Variants in SYNDIG1 observed in about 807,000 individuals in gnomAD.
SYNDIG1 encodes the protein synapse differentiation inducing 1.
A neutral mutation model predicts 19.4 loss-of-function variants in SYNDIG1; 9 were observed. The observed-to-expected ratio is 0.46, with a 90% CI of 0.28 to 0.81. The LOEUF (loss-of-function observed/expected upper bound fraction) is 0.81, where lower values mean the gene tolerates loss of function less well. Among genes scored for constraint, SYNDIG1 ranks in the 30% least tolerant of loss-of-function variants. SYNDIG1 has a pLI of 0.12. For missense variants in SYNDIG1, 311 were observed against 343.3 expected (o/e 0.91, Z 0.74); for synonymous variants, 141 against 145.9 (o/e 0.97, Z 0.24).
At chr20:24,591,737 A>G (rs1412166886) in intron 3 of SYNDIG1, among the ~76,000 whole-genome samples, 1 of 152,206 alleles carries the variant, frequency 6.6e-6, no homozygotes, top group Non-Finnish European at 1.5e-5. Context: ...ATGAGGTATT[A>G]GGCTGCGAGA....
rs569044205 is a variant in SYNDIG1, at chr20:24,492,609, G to A, written c.-79+22856G>A. Reference sequence around the variant, plus strand: ...AGTGTAAGAAGAGCAGCTTCAGGTGGGGTCCTTAGATCCTTAGTGCAGTCC... The same window carrying A: ...AGTGTAAGAAGAGCAGCTTCAGGTGAGGTCCTTAGATCCTTAGTGCAGTCC... On this transcript the variant is annotated intron_variant, in intron 1 of 3. Transcript: ENST00000376862. Among the ~76,000 whole-genome samples, 20 of 152,272 alleles carry A rather than the reference G, an allele frequency of 1.3e-4. No individual in the cohort carries two copies. The South Asian group carries it at 3.9e-3, about 30-fold the overall frequency.
intron 1 of SYNDIG1, among the ~76,000 whole-genome samples, chr20:24,517,338 G>T (rs189327317): frequency 3.3e-5 from 5 of 150,466 alleles, no homozygotes; most frequent in Non-Finnish European, 7.4e-5. Context: ...TATATATGCC[G>T]GGTGTGGTGG....
chr20:24,479,768 CT>C (rs1345525587), intron 1 of SYNDIG1, among the ~76,000 whole-genome samples: 1 of 152,212 alleles, frequency 6.6e-6, no homozygotes, highest in African/African-American at 2.4e-5. Context: ...GGAGAGTGAG[CT>C]GTCTCAAGTG....
intron 3 of SYNDIG1, among the ~76,000 whole-genome samples, chr20:24,611,284 T>TTAGAC (rs1488960781): frequency 2.0e-5 from 3 of 152,152 alleles, no homozygotes; most frequent in Admixed American, 6.5e-5. Context: ...TTTGGAACCG[T>TTAGAC]TAGACTATTC....
At chr20:24,560,092 G>A (rs1483542110) in intron 2 of SYNDIG1, among the ~76,000 whole-genome samples, 3 of 7,908 alleles carry the variant, frequency 3.8e-4, no homozygotes, top group Non-Finnish European at 7.0e-4. Flanking sequence ...TTTTTTTTTT[G>A]CAGTCTCACT....
At chr20:24,478,133 G>C (rs2055688321) in intron 1 of SYNDIG1, among the ~76,000 whole-genome samples, 1 of 152,228 alleles carries the variant, frequency 6.6e-6, no homozygotes, top group Non-Finnish European at 1.5e-5. Context: ...CTAAACAATT[G>C]TGAGGAAATA....
At chr20:24,622,430 G>A (rs897633634) in intron 3 of SYNDIG1, among the ~76,000 whole-genome samples, 4 of 152,234 alleles carry the variant, frequency 2.6e-5, no homozygotes, top group Non-Finnish European at 4.4e-5. Flanking sequence ...CCACAGACCA[G>A]TACTGGTCCA....
chr20:24,518,712 C>T (rs1336600095), intron 1 of SYNDIG1, among the ~76,000 whole-genome samples: 3 of 152,224 alleles, frequency 2.0e-5, no homozygotes, highest in Non-Finnish European at 4.4e-5. Flanking sequence ...CACAAGGGCC[C>T]TAAGGCCATC....
At chr20:24,513,583 T>G (rs2056796762) in intron 1 of SYNDIG1, among the ~76,000 whole-genome samples, 1 of 151,706 alleles carries the variant, frequency 6.6e-6, no homozygotes, top group Non-Finnish European at 1.5e-5. Context: ...GGAAAAAAAG[T>G]AAAAAGAAAC....
At chr20:24,659,702 C>T (rs964880504) in intron 3 of SYNDIG1, among the ~76,000 whole-genome samples, 5 of 152,174 alleles carry the variant, frequency 3.3e-5, no homozygotes, top group African/African-American at 9.7e-5. Flanking sequence ...GAGAGGGAGC[C>T]GGGCAATACC....
intron 1 of SYNDIG1, among the ~76,000 whole-genome samples, chr20:24,521,218 A>G (rs2056995422): frequency 1.3e-5 from 2 of 152,136 alleles, no homozygotes; most frequent in Non-Finnish European, 2.9e-5. Context: ...TTCCTCTGTC[A>G]ATGGGCGTTT....
At chr20:24,546,634 G>A (rs1321041052) in intron 2 of SYNDIG1, among the ~76,000 whole-genome samples, 1 of 152,184 alleles carries the variant, frequency 6.6e-6, no homozygotes, top group African/African-American at 2.4e-5. Context: ...CCTGTGTCCT[G>A]CATGTTACTA....
intron 1 of SYNDIG1, among the ~76,000 whole-genome samples, chr20:24,532,400 G>C (rs1389528811): frequency 6.6e-6 from 1 of 152,162 alleles, no homozygotes; most frequent in African/African-American, 2.4e-5. Context: ...TATATGAAAT[G>C]TCCAGAATAG....
At chr20:24,662,294 A>G (rs13040961) in intron 3 of SYNDIG1, among the ~76,000 whole-genome samples, 43,439 of 151,630 alleles carry the variant, frequency 0.29, 7,241 homozygotes, top group East Asian at 0.62. Flanking sequence ...GCTATGGCGC[A>G]AGTTTACTTT....
rs564023911 is a variant in SYNDIG1 at position 24,533,330 on chromosome 20, G to A, written c.-78-9690G>A. Among the ~76,000 whole-genome samples, 16 of 152,260 alleles carry A rather than the reference G, an allele frequency of 1.1e-4. No homozygotes were observed. The East Asian group carries it at 3.1e-3, about 29-fold the overall frequency. ...GTGGTTTCTGCTTGGACCTGTGAAG[G>A]CAGATATTTACCCCCTTCTCCAGTT... is the stretch of plus-strand genomic sequence containing the variant. On this transcript the variant is annotated intron_variant, in intron 1 of 3. Transcript: ENST00000376862.
Position 24,658,120 on chromosome 20 carries a change from G to A in SYNDIG1, c.619-7226G>A, listed in dbSNP as rs1275627844. 6.6e-6 allele frequency among the ~76,000 whole-genome samples: 1 copy of A among 151,838 alleles called. No individual in the cohort carries two copies. Among genetic ancestry groups the A allele is most frequent in the Non-Finnish European group, 1.5e-5 (1 of 67,978 alleles). On this transcript the variant is annotated intron_variant, in intron 3 of 3. Coordinates refer to ENST00000376862, the MANE Select transcript of SYNDIG1 (RefSeq NM_024893.3). This position sits in a 1 kb window ranked among gnomAD's most constrained non-coding sequence, Gnocchi z 4.4. ...CTGCAGGAGAAACAATGCAGCCGGG[G>A]TAGACCTCAGAAAACGTCATGATTT...
chr20:24,626,457 C>T (rs1289329414), intron 3 of SYNDIG1, among the ~76,000 whole-genome samples: 1 of 151,306 alleles, frequency 6.6e-6, no homozygotes, highest in Non-Finnish European at 1.5e-5. Flanking sequence ...GGCAGAGGCG[C>T]TCCCCACATC....
chr20:24,473,391 C>T (rs574599609), intron 1 of SYNDIG1, among the ~76,000 whole-genome samples: 16 of 152,168 alleles, frequency 1.1e-4, no homozygotes, highest in African/African-American at 2.7e-4. Flanking sequence ...TCTCTAACCA[C>T]GTCACCAGAA....
chr20:24,578,448 A>C (rs1215936650), intron 2 of SYNDIG1, among the ~76,000 whole-genome samples: 6 of 151,920 alleles, frequency 3.9e-5, no homozygotes, highest in Non-Finnish European at 8.8e-5. Context: ...TATCAAAAAA[A>C]AAAAAAAGAA....
Sources: gnomAD v4.1 joint callset for allele counts (sites outside exome capture counted in the v4.1 genomes callset) on GRCh38, gnomAD v4.1.1 for gene constraint, Gnocchi (gnomAD v3.1) non-coding constraint, MANE v1.5 for transcripts, NCBI Gene and HGNC (gene_info 2026-07-23, HGNC 2026-07-21) for gene names.